Variants in EIF3H observed in about 807,000 individuals in gnomAD.
EIF3H encodes the protein eukaryotic translation initiation factor 3 subunit H, also known as eIF-3-gamma.
EIF3H carries 26 observed loss-of-function variants against 44.2 expected under a neutral mutation model. The ratio of observed to expected loss-of-function variants is 0.59; its 90% CI spans 0.43 to 0.82. The LOEUF (loss-of-function observed/expected upper bound fraction) is 0.82, where lower values mean the gene tolerates loss of function less well. EIF3H is among the 40% of genes least tolerant of loss of function. The probability of loss-of-function intolerance (pLI) is 0.00; values close to 1 mark genes in which losing one functional copy is unlikely to be tolerated. For missense variants in EIF3H, 359 were observed against 432.8 expected (o/e 0.83, Z 1.51); for synonymous variants, 166 against 151.9 (o/e 1.09, Z -0.68).
At chr8:116,756,226 C>T (rs1815447705), upstream of EIF3H, among the ~76,000 whole-genome samples, 1 of 152,118 alleles carries the variant, frequency 6.6e-6, no homozygotes, top group Middle Eastern at 3.2e-3. Flanking sequence ...TGTTAATTAG[C>T]GATGAGCCAG....
At chr8:116,672,399 G>A (rs1280187829) in intron 2 of EIF3H, among the ~76,000 whole-genome samples, 1 of 152,232 alleles carries the variant, frequency 6.6e-6, no homozygotes, top group African/African-American at 2.4e-5. Context: ...GCTAAGGCGG[G>A]AGGACTGCTT....
At chr8:116,696,973 C>T in intron 2 of EIF3H, 1 of 381,054 alleles carries the variant, frequency 2.6e-6, no homozygotes. Context: ...AGCTAGGACA[C>T]CAACCCTCTC....
chr8:116,732,971 T>C (rs923575442), intron 1 of EIF3H, among the ~76,000 whole-genome samples: 2 of 152,180 alleles, frequency 1.3e-5, no homozygotes, highest in African/African-American at 4.8e-5. Context: ...TTCCCAAAGT[T>C]AAGGACACAG....
At chr8:116,681,812 T>C (rs1813994445) in intron 2 of EIF3H, among the ~76,000 whole-genome samples, 1 of 152,228 alleles carries the variant, frequency 6.6e-6, no homozygotes, top group Non-Finnish European at 1.5e-5. Context: ...TCTGATAATT[T>C]TATTATTCAA....
intron 1 of EIF3H, among the ~76,000 whole-genome samples, chr8:116,745,778 A>G (rs907261760): frequency 6.6e-6 from 1 of 152,080 alleles, no homozygotes; most frequent in Non-Finnish European, 1.5e-5. Context: ...TAAAAATACA[A>G]AAATTAGCAG....
intron 1 of EIF3H, among the ~76,000 whole-genome samples, chr8:116,763,264 T>C (rs968551106): frequency 6.6e-6 from 1 of 152,170 alleles, no homozygotes; most frequent in South Asian, 2.1e-4. Context: ...ACAGAGTATC[T>C]CTACATAAAT....
chr8:116,727,793 C>G (rs887755068), intron 1 of EIF3H, among the ~76,000 whole-genome samples: 7 of 152,164 alleles, frequency 4.6e-5, no homozygotes, highest in Non-Finnish European at 1.0e-4. Context: ...TTGATCATGG[C>G]TCTCCCTGTC....
chr8:116,658,774 A>C (rs1031376449), intron 3 of EIF3H, 39 bp downstream of exon 3: 2 of 1,588,760 alleles, frequency 1.3e-6, no homozygotes, highest in African/African-American at 2.7e-5. Flanking sequence ...TAGTAGTAAT[A>C]ATATTAAGGG....
At chr8:116,745,899 C>T (rs1194907380) in intron 1 of EIF3H, among the ~76,000 whole-genome samples, 14 of 150,288 alleles carry the variant, frequency 9.3e-5, no homozygotes, top group Admixed American at 6.0e-4. Context: ...CCAGCCCGGT[C>T]GACAGAGCAA....
intron 2 of EIF3H, among the ~76,000 whole-genome samples, chr8:116,717,094 T>C (rs972183019): frequency 6.6e-6 from 1 of 152,006 alleles, no homozygotes; most frequent in East Asian, 1.9e-4. Context: ...CTAATATATA[T>C]CCATATAACA....
chr8:116,668,604 T>C lies in EIF3H; in HGVS notation c.290-9624A>G, dbSNP rs566532804. On this transcript the variant is annotated intron_variant, in intron 2 of 7. Coordinates refer to ENST00000521861, the MANE Select transcript of EIF3H (RefSeq NM_003756.3). The stretch of plus-strand genomic sequence containing the variant: ...GGATAGGGTACCAGACTACTCTGAA[T>C]CTGAAGCACCTAACCTGGTCTGAAT... Among the ~76,000 whole-genome samples, 4 of 152,264 alleles carry C rather than the reference T, an allele frequency of 2.6e-5. No individual in the cohort carries two copies. In the East Asian group the frequency reaches 7.7e-4, roughly 29 times the overall value.
chr8:116,660,728 A>G (rs2130797842), intron 2 of EIF3H, among the ~76,000 whole-genome samples: 1 of 152,320 alleles, frequency 6.6e-6, no homozygotes, highest in Admixed American at 6.5e-5. Context: ...AAAAGTGTTA[A>G]TATAGAGGAA....
chr8:116,685,404 C>G (rs935123644), intron 2 of EIF3H, among the ~76,000 whole-genome samples: 2 of 152,184 alleles, frequency 1.3e-5, no homozygotes, highest in African/African-American at 4.8e-5. Flanking sequence ...TGTGTTAACA[C>G]TGAGCCTCAC....
At chr8:116,663,241 G>C (rs1813610371) in intron 2 of EIF3H, among the ~76,000 whole-genome samples, 1 of 152,144 alleles carries the variant, frequency 6.6e-6, no homozygotes, top group Non-Finnish European at 1.5e-5. Context: ...AAAGGAAAAA[G>C]GAGGAGGAAA....
At chr8:116,674,510 G>T (rs1027622073) in intron 2 of EIF3H, among the ~76,000 whole-genome samples, 3 of 152,104 alleles carry the variant, frequency 2.0e-5, no homozygotes, top group Admixed American at 6.5e-5. Context: ...TAAATAGAAA[G>T]TCTCTTCCCT....
chr8:116,696,145 A>C (rs2130870603), intron 2 of EIF3H, among the ~76,000 whole-genome samples: 1 of 152,316 alleles, frequency 6.6e-6, no homozygotes, highest in Non-Finnish European at 1.5e-5. Context: ...TGGACGATCT[A>C]GGGCTCCTTA....
chr8:116,689,738 G>A (rs1041449827), intron 2 of EIF3H, among the ~76,000 whole-genome samples: 1 of 152,096 alleles, frequency 6.6e-6, no homozygotes, highest in South Asian at 2.1e-4. Context: ...TAAAACCAAT[G>A]CATTGCTATT....
At chr8:116,745,746 C>T (rs948724658) in intron 1 of EIF3H, among the ~76,000 whole-genome samples, 1 of 152,174 alleles carries the variant, frequency 6.6e-6, no homozygotes, top group East Asian at 1.9e-4. Context: ...GTCTGGCCAA[C>T]ATGGCAACAC....
chr8:116,718,455 A>G lies in EIF3H; in HGVS notation c.289+7561T>C, dbSNP rs1274175954. 3.3e-5 allele frequency among the ~76,000 whole-genome samples: 5 copies of G among 152,304 alleles called. No homozygotes were observed. In the East Asian group the frequency reaches 9.6e-4, roughly 29 times the overall value. Reference sequence around the variant, plus strand: ...CAGCACAATTTGCAATTGCAAAAATATGGAACCAGCCCAAATGCTCATCAA... The same window carrying G: ...CAGCACAATTTGCAATTGCAAAAATGTGGAACCAGCCCAAATGCTCATCAA... On this transcript the variant is annotated intron_variant, in intron 2 of 7. Transcript: ENST00000521861.
Sources: gnomAD v4.1 joint callset for allele counts (sites outside exome capture counted in the v4.1 genomes callset) on GRCh38, gnomAD v4.1.1 for gene constraint, MANE v1.5 for transcripts, NCBI Gene and HGNC (gene_info 2026-07-23, HGNC 2026-07-21) for gene names.